The following ACAD11 variants were observed in gnomAD, a reference collection of about 807,000 sequenced individuals.
ACAD11 encodes acyl-CoA dehydrogenase family member 11.
A neutral mutation model predicts 102.2 loss-of-function variants in ACAD11; 83 were observed. The observed-to-expected ratio is 0.81, with a 90% CI of 0.68 to 0.97. The LOEUF (loss-of-function observed/expected upper bound fraction) is 0.97. Among genes scored for constraint, ACAD11 ranks in the 50% least tolerant of loss-of-function variants. The probability of loss-of-function intolerance (pLI) is 0.00; values close to 1 mark genes in which losing one functional copy is unlikely to be tolerated. For synonymous variants in ACAD11, 324 were observed against 319.8 expected (o/e 1.01, Z -0.14); for missense variants, 901 against 951.7 (o/e 0.95, Z 0.70).
intron 11 of ACAD11, among the ~76,000 whole-genome samples, chr3:132,612,628 CTCA>C (rs1186175654): frequency 6.6e-6 from 1 of 152,066 alleles, no homozygotes; most frequent in African/African-American, 2.4e-5. Context: ...TGAAAAAGCA[CTCA>C]TCATCACTGG....
chr3:132,626,335 T>C (rs796309904), intron 9 of ACAD11, among the ~76,000 whole-genome samples: 4 of 152,064 alleles, frequency 2.6e-5, no homozygotes, highest in African/African-American at 9.6e-5. Flanking sequence ...TCTCTAGGTG[T>C]GTCCATCTTG....
intron 4 of ACAD11, 55 bp from the exon 5 acceptor site, chr3:132,639,711 A>C: frequency 6.6e-7 from 1 of 1,520,826 alleles, no homozygotes; most frequent in East Asian, 2.3e-5. Context: ...TGTAGGATCT[A>C]GCAATTCTAA....
chr3:132,659,565 A>C (rs1330292610), intron 1 of ACAD11, 38 bp downstream of exon 1: 2 of 1,607,960 alleles, frequency 1.2e-6, no homozygotes, highest in Non-Finnish European at 1.7e-6. Context: ...TCAATGTACA[A>C]ATTTTTTTCC....
intron 13 of ACAD11, among the ~76,000 whole-genome samples, chr3:132,598,950 G>A (rs1341851195): frequency 3.3e-5 from 5 of 152,154 alleles, no homozygotes; most frequent in African/African-American, 1.2e-4. Context: ...CAAATACTCT[G>A]GTGGAAGTAA....
chr3:132,625,332 T>A (rs1393827216), intron 9 of ACAD11, among the ~76,000 whole-genome samples: 1 of 152,190 alleles, frequency 6.6e-6, no homozygotes, highest in East Asian at 1.9e-4. Flanking sequence ...CCCTCTTCTG[T>A]TTTCAAGCTT....
At chr3:132,602,897 G>A (rs1229483739) in intron 13 of ACAD11, among the ~76,000 whole-genome samples, 1 of 152,116 alleles carries the variant, frequency 6.6e-6, no homozygotes, top group East Asian at 1.9e-4. Context: ...CCGCCACCCG[G>A]GGTCAAGCAA....
At chr3:132,562,601 T>C (rs889120487) in intron 17 of ACAD11, among the ~76,000 whole-genome samples, 30 of 152,208 alleles carry the variant, frequency 2.0e-4, no homozygotes, top group East Asian at 1.9e-4. Context: ...CCATCAGCAC[T>C]TAGTATCATA....
chr3:132,621,023 A>T (rs1939587560), intron 9 of ACAD11: 1 of 152,266 alleles, frequency 6.6e-6, no homozygotes, highest in South Asian at 2.1e-4. Context: ...AAGAAGGCAA[A>T]TATGAGTGGT....
At chr3:132,570,541 T>C (rs1216282702) in intron 17 of ACAD11, among the ~76,000 whole-genome samples, 5 of 152,184 alleles carry the variant, frequency 3.3e-5, no homozygotes, top group African/African-American at 9.6e-5. Context: ...TCGGGATACA[T>C]GTGCAAGTTT....
Position 132,640,000 on chromosome 3 carries a change from A to T in ACAD11, c.538-344T>A, listed in dbSNP as rs140789353. Among the ~76,000 whole-genome samples, 624 of 148,670 alleles carry T rather than the reference A, an allele frequency of 4.2e-3. 5 individuals are homozygous for T. The highest frequency in any genetic ancestry group is 0.015 in the South Asian group (72 of 4,684). On this transcript the variant is annotated intron_variant, in intron 4 of 19. Coordinates refer to ENST00000264990, the MANE Select transcript of ACAD11 (RefSeq NM_032169.5). The stretch of plus-strand genomic sequence containing the variant: ...CACACGCACACACACACTCTCTCTC[A>T]CACACACACACACACACACAAATAT...
Position 132,586,726 on chromosome 3 carries a change from A to C in ACAD11, c.1622-7168T>G, listed in dbSNP as rs1246468012. Among the ~76,000 whole-genome samples the C allele has an allele frequency of 4.6e-5, 7 of 152,346 alleles. No individual in the cohort carries two copies. In the East Asian group the frequency reaches 1.3e-3, roughly 29 times the overall value. On this transcript the variant is annotated intron_variant, in intron 13 of 19. Coordinates refer to ENST00000264990, the MANE Select transcript of ACAD11 (RefSeq NM_032169.5). ...AAAATAAATTTTCACTAAAAGAAAA[A>C]TACAAGCATTTTCATAAATACAAGT...
chr3:132,631,261 C>A (rs1304219309), intron 6 of ACAD11, 80 bp downstream of exon 6: 2 of 854,386 alleles, frequency 2.3e-6, no homozygotes, highest in Admixed American at 3.9e-5. Flanking sequence ...TCTAAAATTG[C>A]AAGATTTATA....
chr3:132,567,846 T>C (rs1303274742), intron 17 of ACAD11, among the ~76,000 whole-genome samples: 4 of 152,104 alleles, frequency 2.6e-5, no homozygotes, highest in Non-Finnish European at 5.9e-5. Flanking sequence ...TTCAACATAG[T>C]ATTGGAAGTT....
In ACAD11 at chr3:132,559,073, G is replaced by T. The variant is rs1375688576; in HGVS notation, c.2241C>A (p.Thr747=). 3.7e-6 allele frequency: 6 copies of T among 1,612,878 alleles called. No homozygotes were observed. Among genetic ancestry groups the T allele is most frequent in the Non-Finnish European group, 3.4e-6 (4 of 1,179,126 alleles). Residue 747 remains threonine (T), a synonymous_variant, in exon 20 of 20, where the codon ACC becomes ACA. Coordinates refer to ENST00000264990, the MANE Select transcript of ACAD11 (RefSeq NM_032169.5). ...DYPLANMYAI[T]RVLRLADGPD... is the part of the protein sequence containing the mutation. Reference sequence around the variant, plus strand: ...GTCCATCTGCTAAACGCAAAACTCGGGTTATAGCATACCTGAAAAAGCAAA... The same window carrying T: ...GTCCATCTGCTAAACGCAAAACTCGTGTTATAGCATACCTGAAAAAGCAAA...
chr3:132,627,353 CTG>C (rs1031990939), intron 8 of ACAD11, among the ~76,000 whole-genome samples: 35 of 152,230 alleles, frequency 2.3e-4, no homozygotes, highest in African/African-American at 8.4e-4. Flanking sequence ...CTAATTTTTC[CTG>C]TGAGACGAGA....
At position 132,575,894 on chromosome 3, in the gene ACAD11, G is replaced by A. The variant is rs376159837; in HGVS notation, c.1879C>T (p.Arg627Cys). 1.7e-5 allele frequency: 28 copies of A among 1,613,740 alleles called. No homozygotes were observed. In the Middle Eastern group the frequency reaches 4.9e-4, roughly 28 times the overall value. ...TGGTGGATTCTGCCAGGTCCAAGGC[G>A]GCCTTGGGAAATTTCAAATCCCCTA... Reference protein sequence around the residue: ...EGRGFEISQGRLGPGRIHHCM... With the variant: ...EGRGFEISQGCLGPGRIHHCM... Residue 627 changes from arginine (R) to cysteine (C), a missense_variant, in exon 17 of 20, where the codon CGC becomes TGC. Transcript: ENST00000264990.
chr3:132,649,076 G>A (rs1346340275), intron 1 of ACAD11, among the ~76,000 whole-genome samples: 1 of 152,250 alleles, frequency 6.6e-6, no homozygotes, highest in South Asian at 2.1e-4. Flanking sequence ...TAAACCAGGG[G>A]CACAATGCAC....
At chr3:132,627,865 T>C (rs1212764959) in intron 8 of ACAD11, among the ~76,000 whole-genome samples, 2 of 152,168 alleles carry the variant, frequency 1.3e-5, no homozygotes, top group Admixed American at 6.5e-5. Context: ...TGGTAAGCAA[T>C]GGGAATGAAA....
chr3:132,587,733 G>A (rs1324464559), intron 13 of ACAD11, among the ~76,000 whole-genome samples: 1 of 152,144 alleles, frequency 6.6e-6, no homozygotes, highest in East Asian at 1.9e-4. Context: ...AATGTTGATG[G>A]TTTTGTTTTG....
Sources: allele counts gnomAD v4.1 joint callset (sites outside exome capture counted in the v4.1 genomes callset), GRCh38; gene constraint gnomAD v4.1.1; transcripts MANE v1.5; gene names NCBI Gene and HGNC (gene_info 2026-07-23, HGNC 2026-07-21).